Variants in RGS9 observed in about 807,000 individuals in gnomAD.
The protein encoded by RGS9 is regulator of G protein signaling 9, also known as regulator of G-protein signalling 9.
Under a neutral mutation model 102.0 loss-of-function variants are expected in RGS9, and 78 were observed. That is an observed-to-expected ratio of 0.76 (90% confidence interval 0.64 to 0.92). The LOEUF (loss-of-function observed/expected upper bound fraction) is 0.92. Ranked by LOEUF, RGS9 falls within the 40% of genes least tolerant of loss-of-function variation. RGS9 has a pLI of 0.00. For missense variants in RGS9, 833 were observed against 866.1 expected (o/e 0.96, Z 0.48); for synonymous variants, 353 against 318.6 (o/e 1.11, Z -1.15).
At chr17:65,196,932 G>T (rs565441009) in intron 12 of RGS9, among the ~76,000 whole-genome samples, 194 bp from the exon 13 acceptor site, 6 of 152,210 alleles carry the variant, frequency 3.9e-5, no homozygotes, top group African/African-American at 1.4e-4. Flanking sequence ...TGTCTTTGAT[G>T]TGAGCCCCGG....
chr17:65,153,319 T>G (rs878908449), intron 1 of RGS9, 103 bp from the exon 2 acceptor site: 10 of 973,990 alleles, frequency 1.0e-5, no homozygotes, highest in African/African-American at 1.6e-5. Flanking sequence ...AACCCCTGTG[T>G]CCACCTTTGC....
At chr17:65,210,348 AC>A in intron 16 of RGS9, 139 bp from the exon 17 acceptor site, 1 of 1,052,848 alleles carries the variant, frequency 9.5e-7, no homozygotes, top group Non-Finnish European at 1.5e-6. Context: ...GTTGGACCCC[AC>A]TGGAGGTTCA....
intron 11 of RGS9, among the ~76,000 whole-genome samples, chr17:65,191,378 T>G (rs575511645): frequency 6.6e-6 from 1 of 151,368 alleles, no homozygotes; most frequent in Admixed American, 6.6e-5. Flanking sequence ...TTTTTTTTTT[T>G]GTTGTTGTTG....
intron 1 of RGS9, among the ~76,000 whole-genome samples, chr17:65,138,256 G>C (rs979376139): frequency 2.6e-5 from 4 of 152,210 alleles, no homozygotes; most frequent in African/African-American, 9.6e-5. Flanking sequence ...GGTTCATTTA[G>C]TTCTGAGCTT....
chr17:65,139,621 A>G (rs531062602), intron 1 of RGS9, among the ~76,000 whole-genome samples: 3 of 152,132 alleles, frequency 2.0e-5, no homozygotes, highest in African/African-American at 7.2e-5. Context: ...TCGCTTGCCA[A>G]GCTCCACTTC....
chr17:65,195,278 A>T (rs1027668106), intron 12 of RGS9, among the ~76,000 whole-genome samples: 24 of 152,294 alleles, frequency 1.6e-4, no homozygotes, highest in African/African-American at 5.5e-4. Flanking sequence ...ATTTTAAATA[A>T]AATGGGGAGC....
Position 65,137,614 on chromosome 17 carries a change from A to G in RGS9, c.57+17A>G. 1 of 1,613,190 alleles carries G rather than the reference A, an allele frequency of 6.2e-7. No homozygotes were observed. Among genetic ancestry groups the G allele is most frequent in the Non-Finnish European group, 8.5e-7 (1 of 1,179,484 alleles). ...CTCCAAAAGGTAACCCTGGCCCCTC[A>G]CCTGGACCCTGGGAGGAGGGCGGGG... is the stretch of plus-strand genomic sequence containing the variant. On this transcript the variant is annotated intron_variant, in intron 1 of 18. Transcript: ENST00000262406.
At chr17:65,184,195 T>G (rs1388912562) in intron 9 of RGS9, among the ~76,000 whole-genome samples, 1 of 152,222 alleles carries the variant, frequency 6.6e-6, no homozygotes, top group African/African-American at 2.4e-5. Flanking sequence ...GTGCGTACTT[T>G]TTTTTTGTAA....
At chr17:65,186,765 A>G (rs1912140364) in intron 9 of RGS9, among the ~76,000 whole-genome samples, 1 of 152,244 alleles carries the variant, frequency 6.6e-6, no homozygotes, top group Non-Finnish European at 1.5e-5. Flanking sequence ...TCAGCTAAAA[A>G]TTAGTATAAT....
chr17:65,175,708 C>A (rs1911599726), intron 8 of RGS9, among the ~76,000 whole-genome samples: 1 of 152,168 alleles, frequency 6.6e-6, no homozygotes, highest in African/African-American at 2.4e-5. Context: ...CTGTCCTCCT[C>A]CCCACCCACT....
chr17:65,172,692 G>A (rs1911465232), intron 8 of RGS9, among the ~76,000 whole-genome samples: 1 of 152,128 alleles, frequency 6.6e-6, no homozygotes, highest in African/African-American at 2.4e-5. Context: ...GCAGTCTGGT[G>A]GAGAGACAAA....
In RGS9 at chr17:65,225,584, G is replaced by A. The variant is rs978550144; in HGVS notation, c.1892+98G>A. The A allele has an allele frequency of 4.5e-5, 70 of 1,560,216 alleles. 1 individual carries two copies. The highest frequency in any genetic ancestry group is 2.8e-5 in the Non-Finnish European group (32 of 1,148,046). On this transcript the variant is annotated intron_variant, in intron 18 of 18. Transcript: ENST00000262406. ...ATGCTTTGGGCTGGGGACTGGGATG[G>A]GTGAGAACAGATACCCCAGGCAGCC... is the stretch of plus-strand genomic sequence containing the variant.
At chr17:65,196,167 G>A (rs568652636) in intron 12 of RGS9, among the ~76,000 whole-genome samples, 14 of 152,234 alleles carry the variant, frequency 9.2e-5, no homozygotes, top group Admixed American at 2.0e-4. Flanking sequence ...TTAAGGATTC[G>A]ATGGTATGTG....
chr17:65,147,810 C>T (rs1910427569), intron 1 of RGS9, among the ~76,000 whole-genome samples: 2 of 151,822 alleles, frequency 1.3e-5, no homozygotes, highest in African/African-American at 4.8e-5. Context: ...GGGCTGGTGT[C>T]GAACTCCTGC....
chr17:65,225,343 C>T lies in RGS9; in HGVS notation c.1749C>T (p.Ser583=). The T allele has an allele frequency of 6.2e-7, 1 of 1,611,594 alleles. No individual in the cohort carries two copies. Among genetic ancestry groups the T allele is most frequent in the Non-Finnish European group, 8.5e-7 (1 of 1,180,022 alleles). ...PPKARMALSF[S]RFLRRGCLAS... ...AGGCCCGCATGGCTCTGTCCTTCAG[C>T]AGGTTTCTGAGACGAGGCTGTCTGG... Residue 583 remains serine, a synonymous_variant, in exon 18 of 19, where the codon AGC becomes AGT. Coordinates refer to ENST00000262406, the MANE Select transcript of RGS9 (RefSeq NM_003835.4).
intron 1 of RGS9, among the ~76,000 whole-genome samples, chr17:65,149,031 G>A (rs1047352117): frequency 4.0e-5 from 6 of 151,654 alleles, no homozygotes; most frequent in African/African-American, 7.3e-5. Context: ...ACGTGATCTC[G>A]GCTCATTGCA....
At chr17:65,217,236 A>G (rs1410414384) in intron 17 of RGS9, among the ~76,000 whole-genome samples, 1 of 152,214 alleles carries the variant, frequency 6.6e-6, no homozygotes, top group East Asian at 1.9e-4. Context: ...TGGCCAATAG[A>G]CATGGGCTCT....
chr17:65,207,794 C>G lies in RGS9; in HGVS notation c.1204-128C>G. 5 of 661,542 alleles carry G rather than the reference C, an allele frequency of 7.6e-6. No homozygotes were observed. The South Asian group carries it at 7.7e-5, about 10-fold the overall frequency. The allele number at this position is 661,542 out of a possible 1,614,324, so 41.0% of individuals were successfully genotyped here. A position where few individuals can be genotyped will look rare whatever the true frequency, so the allele number is the denominator to read the frequency against. The stretch of plus-strand genomic sequence containing the variant: ...TCAACACCTCCCCCAACACCTTTCA[C>G]CCAAGGAGACAAATTCTCATAACTT... On this transcript the variant is annotated intron_variant, in intron 15 of 18. Transcript: ENST00000262406.
At position 65,227,610 on chromosome 17, in the gene RGS9, C is replaced by G; in HGVS notation, c.*203C>G. On this transcript the variant is annotated 3_prime_UTR_variant, in exon 19 of 19. Transcript: ENST00000262406. ...GCCAACTCCTTCTCCTCTTCCTGAC[C>G]CTCCCTCCCCTGGGCAGAAGAAACG... is the stretch of plus-strand genomic sequence containing the variant. 1 of 658,446 alleles carries G rather than the reference C, an allele frequency of 1.5e-6. No homozygotes were observed. The highest frequency in any genetic ancestry group is 2.6e-6 in the Non-Finnish European group (1 of 380,514). 40.8% of individuals were successfully genotyped at this position (658,446 alleles called of 1,614,324 possible). A position where few individuals can be genotyped will look rare whatever the true frequency, so the allele number is the denominator to read the frequency against.
Sources: gnomAD v4.1 joint callset for allele counts (sites outside exome capture counted in the v4.1 genomes callset) on GRCh38, gnomAD v4.1.1 for gene constraint, MANE v1.5 for transcripts, NCBI Gene and HGNC (gene_info 2026-07-23, HGNC 2026-07-21) for gene names.